ZNF69: variants seen among roughly 807,000 people sequenced by gnomAD.
The protein encoded by ZNF69 is zinc finger protein 69.
Under a neutral mutation model 50.9 loss-of-function variants are expected in ZNF69, and 47 were observed. The observed-to-expected ratio is 0.92, with a 90% CI of 0.73 to 1.18. ZNF69 has a LOEUF of 1.18. ZNF69 is among the 50% of genes most tolerant of loss of function. The pLI is 0.00. For synonymous variants in ZNF69, 216 were observed against 223.1 expected (o/e 0.97, Z 0.29); for missense variants, 717 against 675.1 (o/e 1.06, Z -0.69).
chr19:11,949,512 A>G, the ZNF69 span: 5 of 1,611,220 alleles, frequency 3.1e-6, no homozygotes, highest in African/African-American at 1.3e-5. Context: ...AAAGGACAGA[A>G]AAACACATAA....
At chr19:11,902,303 A>T (rs907232728) in intron 1 of ZNF69, among the ~76,000 whole-genome samples, 3 of 152,138 alleles carry the variant, frequency 2.0e-5, no homozygotes, top group Non-Finnish European at 4.4e-5. Context: ...TTCTAAGAGT[A>T]AATAATATCC....
the ZNF69 span, among the ~76,000 whole-genome samples, chr19:11,976,303 C>T: frequency 6.6e-6 from 1 of 151,666 alleles, no homozygotes; most frequent in African/African-American, 2.4e-5. Flanking sequence ...AGGGACAGCC[C>T]AGGCAGCTCC....
At chr19:11,889,062 C>T (rs1008303664) in intron 1 of ZNF69, among the ~76,000 whole-genome samples, 6 of 152,020 alleles carry the variant, frequency 3.9e-5, no homozygotes, top group East Asian at 1.9e-4. Context: ...TAGGTGGCAG[C>T]TGGTTGAGAG....
chr19:11,959,452 C>T, the ZNF69 span, among the ~76,000 whole-genome samples: 1 of 152,024 alleles, frequency 6.6e-6, no homozygotes, highest in South Asian at 2.1e-4. Context: ...TTTTGTTATT[C>T]TTTGTATCTT....
the ZNF69 span, among the ~76,000 whole-genome samples, chr19:11,943,957 G>A: frequency 6.6e-6 from 1 of 151,984 alleles, no homozygotes; most frequent in Admixed American, 6.6e-5. Flanking sequence ...TGCCTCCCAG[G>A]AGCTGCAGGT....
the ZNF69 span, among the ~76,000 whole-genome samples, chr19:11,934,109 A>G: frequency 0.12 from 17,116 of 147,590 alleles, 3,570 homozygotes; most frequent in African/African-American, 0.33. Flanking sequence ...CATGGGAGAC[A>G]GAGGTGAGAC....
chr19:11,915,283 C>T (rs554452133), downstream of ZNF69, among the ~76,000 whole-genome samples: 1 of 152,320 alleles, frequency 6.6e-6, no homozygotes, highest in Admixed American at 6.5e-5. Context: ...CCAAATACAC[C>T]CTGATACTTT....
the ZNF69 span, chr19:11,947,122 C>A: frequency 6.3e-7 from 1 of 1,588,956 alleles, no homozygotes. Context: ...GGAATAGAGT[C>A]TAGGCCTCCA....
At chr19:11,968,398 A>T in the ZNF69 span, among the ~76,000 whole-genome samples, 1 of 152,048 alleles carries the variant, frequency 6.6e-6, no homozygotes, top group Non-Finnish European at 1.5e-5. Flanking sequence ...GCCCACCAGC[A>T]CACCTGGCTA....
the ZNF69 span, among the ~76,000 whole-genome samples, chr19:11,965,920 A>AG: frequency 2.0e-5 from 3 of 152,098 alleles, no homozygotes; most frequent in Non-Finnish European, 2.9e-5. Context: ...GACCTGTGGA[A>AG]GGGGGGTTAG....
the ZNF69 span, chr19:11,979,178 G>A: frequency 6.2e-7 from 1 of 1,611,194 alleles, no homozygotes; most frequent in Non-Finnish European, 8.5e-7. Flanking sequence ...ACTCACACTG[G>A]AGAGAAACCC....
chr19:11,948,854 C>T, the ZNF69 span: 48 of 1,606,404 alleles, frequency 3.0e-5, no homozygotes, highest in Non-Finnish European at 4.1e-5. Context: ...GGGGAGAAGC[C>T]CTATGAATGT....
intron 2 of ZNF69, 93 bp from the exon 3 acceptor site, chr19:11,903,812 G>A (rs8106238): frequency 0.016 from 24,994 of 1,604,850 alleles, 511 homozygotes; most frequent in African/African-American, 0.11. Context: ...GAATAAATGA[G>A]GTATGGCTGC....
the ZNF69 span, among the ~76,000 whole-genome samples, chr19:11,966,969 A>G: frequency 6.6e-6 from 1 of 152,208 alleles, no homozygotes; most frequent in Non-Finnish European, 1.5e-5. Context: ...TCAGACCCCA[A>G]GAGGGTTCTT....
chr19:11,899,011 CAACTACATGTG>C (rs1972187102), intron 1 of ZNF69, among the ~76,000 whole-genome samples: 1 of 152,158 alleles, frequency 6.6e-6, no homozygotes, highest in African/African-American at 2.4e-5. Flanking sequence ...TGGTTTAAGA[CAACTACATGTG>C]TCATGTATCC....
At chr19:11,965,597 T>C in the ZNF69 span, among the ~76,000 whole-genome samples, 2 of 147,198 alleles carry the variant, frequency 1.4e-5, no homozygotes, top group Non-Finnish European at 2.9e-5. Flanking sequence ...CACTTTCTCC[T>C]GTTAAAAATT....
In ZNF69 at chr19:11,906,123, C is replaced by T; in HGVS notation, c.*25C>T. The T allele has an allele frequency of 6.2e-7, 1 of 1,605,068 alleles. No individual in the cohort carries two copies. Among genetic ancestry groups the T allele is most frequent in the South Asian group, 1.1e-5 (1 of 90,014 alleles). On this transcript the variant is annotated 3_prime_UTR_variant, in exon 4 of 4. Coordinates refer to ENST00000429654, the MANE Select transcript of ZNF69 (RefSeq NM_001364730.1). ...AGGGAAAGCCTTCAGATCTGCCTCACACCTTTGAATGCATGGTAGGACACA... is the reference window on the plus strand; with the variant it reads ...AGGGAAAGCCTTCAGATCTGCCTCATACCTTTGAATGCATGGTAGGACACA...
At chr19:11,974,073 C>CTTTCTTTCT in the ZNF69 span, among the ~76,000 whole-genome samples, 312 of 61,924 alleles carry the variant, frequency 5.0e-3, 6 homozygotes, top group African/African-American at 0.015. Flanking sequence ...TCTTTCTTTT[C>CTTTCTTTCT]TTTCTTTCTT....
At chr19:11,979,284 G>A in the ZNF69 span, 20 of 1,613,372 alleles carry the variant, frequency 1.2e-5, no homozygotes, top group Non-Finnish European at 1.7e-5. Flanking sequence ...ATGAGTGTAA[G>A]CAATGTGGGA....
Sources: allele counts gnomAD v4.1 joint callset (sites outside exome capture counted in the v4.1 genomes callset), GRCh38; gene constraint gnomAD v4.1.1; transcripts MANE v1.5; gene names NCBI Gene and HGNC (gene_info 2026-07-23, HGNC 2026-07-21).